NFKB2: variants seen among roughly 807,000 people sequenced by gnomAD.
NFKB2 encodes nuclear factor NF-kappa-B p100 subunit.
In NFKB2, 21 loss-of-function variants were observed where a neutral mutation model predicts 109.3. That is an observed-to-expected ratio of 0.19 (90% CI 0.14 to 0.28). The LOEUF (loss-of-function observed/expected upper bound fraction) is 0.28, where lower values mean the gene tolerates loss of function less well. Ranked by LOEUF, NFKB2 falls within the 10% of genes least tolerant of loss-of-function variation. The pLI is 1.00. For synonymous variants in NFKB2, 478 were observed against 489.9 expected, an observed-to-expected ratio of 0.98 and a Z score of 0.32; for missense variants, 806 against 1,185.3, an observed-to-expected ratio of 0.68 and a Z score of 4.70.
chr10:102,402,358 C>G lies in NFKB2; in HGVS notation c.2685C>G (p.Pro895=). The change falls in exon 23 of 23, where the codon CCC becomes CCG. Residue 895 remains proline (P), a synonymous_variant. Coordinates refer to ENST00000661543, the MANE Select transcript of NFKB2 (RefSeq NM_001322934.2). ...EPPGGLCHGH[P]QPQVH is the part of the protein sequence containing the mutation. ...CAGGAGGGCTCTGCCACGGGCACCC[C>G]CAGCCTCAGGTGCACTGACCTGCTG... is the stretch of plus-strand genomic sequence containing the variant. 6.4e-7 allele frequency: 1 copy of G among 1,556,198 alleles called. No homozygotes were observed. The highest frequency in any genetic ancestry group is 8.7e-7 in the Non-Finnish European group (1 of 1,152,364).
chr10:102,396,582 AAGG>A lies in NFKB2; in HGVS notation c.144+97_144+99del. ...GCTGGCCATGGAGGAGCCATTGCCG[AAGG>A]AGGCCACAGGGGATTGGATGGTCAC... On this transcript the variant is annotated intron_variant, in intron 4 of 22. Coordinates refer to ENST00000661543, the MANE Select transcript of NFKB2 (RefSeq NM_001322934.2). This position sits in a 1 kb window ranked among gnomAD's most constrained non-coding sequence, Gnocchi z 5.9. 2.5e-6 allele frequency: 4 copies of A among 1,595,404 alleles called. No individual in the cohort carries two copies. The highest frequency in any genetic ancestry group is 2.6e-6 in the Non-Finnish European group (3 of 1,165,318).
Position 102,398,848 on chromosome 10 carries a change from C to T in NFKB2, c.1101C>T (p.Tyr367=), listed in dbSNP as rs771607267. 54 of 1,597,410 alleles carry T rather than the reference C, an allele frequency of 3.4e-5. No homozygotes were observed. The highest frequency in any genetic ancestry group is 3.8e-5 in the Non-Finnish European group (45 of 1,172,496). ...GCTCTGGGGGTGCAGCCGGGGGCTACGGAGGAGCTGGAGGAGGTGAGGGGG... is the reference window on the plus strand; with the variant it reads ...GCTCTGGGGGTGCAGCCGGGGGCTATGGAGGAGCTGGAGGAGGTGAGGGGG... ...GGGSGGAAGG[Y]GGAGGGGSLG... The change falls in exon 12 of 23, where the codon TAC becomes TAT. Residue 367 remains tyrosine, a synonymous_variant. Transcript: ENST00000661543. This position sits in a 1 kb window ranked among gnomAD's most constrained non-coding sequence, Gnocchi z 6.6.
rs574309302 is a variant in NFKB2 at position 102,400,951 on chromosome 10, G to A, written c.1973G>A (p.Arg658Gln). 36 of 1,612,740 alleles carry A rather than the reference G, an allele frequency of 2.2e-5. No individual in the cohort carries two copies. The highest frequency in any genetic ancestry group is 1.6e-4 in the Middle Eastern group (1 of 6,062). ...GLVTHLVTKLRANVNARTFAG... is the reference protein window; with the variant it reads ...GLVTHLVTKLQANVNARTFAG... ...TCTCGCTGCTCGCACCCCCAGCTCC[G>A]GGCCAACGTGAACGCTCGCACCTTT... Residue 658 changes from arginine (R) to glutamine (Q), a missense_variant, in exon 18 of 23, where the codon CGG becomes CAG. Physicochemically the swap from Arg to Gln is conservative, Grantham distance 43 (BLOSUM62 1). Transcript: ENST00000661543. The surrounding 1 kb of genome is among the most constrained non-coding windows in gnomAD (Gnocchi z 6.3).
In NFKB2 at chr10:102,399,466, C is replaced by T. The variant is rs192635220; in HGVS notation, c.1296C>T (p.Cys432=). 2.5e-4 allele frequency: 376 copies of T among 1,501,706 alleles called. 3 individuals carry two copies. In the East Asian group the frequency reaches 6.9e-3, roughly 28 times the overall value. The allele number at this position is 1,501,706 out of a possible 1,614,324, so 93.0% of individuals were successfully genotyped here. ...EPSAPSRTPQ[C]EPQAPEMLQR... is the part of the protein sequence containing the mutation. ...GCGCCCCCTCCAGGACCCCCCAGTG[C>T]GAGCCGCAGGCCCCGGAGATGCTGC... Residue 432 remains cysteine (C), a synonymous_variant, in exon 13 of 23, where the codon TGC becomes TGT. Transcript: ENST00000661543.
chr10:102,396,772 A>G lies in NFKB2; in HGVS notation c.192A>G (p.Gly64=). 6.2e-7 allele frequency: 1 copy of G among 1,613,434 alleles called. No homozygotes were observed. ...GCTGTGAAGGCCCCTCCCATGGAGG[A>G]CTGCCCGGTGCCTCCAGTGAGAAGG... The part of the protein sequence containing the change: ...RYGCEGPSHG[G]LPGASSEKGR... Residue 64 remains glycine (G), a synonymous_variant, in exon 5 of 23, where the codon GGA becomes GGG. Coordinates refer to ENST00000661543, the MANE Select transcript of NFKB2 (RefSeq NM_001322934.2). This position sits in a 1 kb window ranked among gnomAD's most constrained non-coding sequence, Gnocchi z 5.9.
chr10:102,395,714 G>T lies in NFKB2; in HGVS notation c.-155G>T, dbSNP rs1374831731. ...TTTCCTAAGCTGCTCTAACTTTCCT[G>T]CCCCTTCCCCGGCCAAGCCCAACTC... On this transcript the variant is annotated 5_prime_UTR_variant, in exon 1 of 23. Coordinates refer to ENST00000661543, the MANE Select transcript of NFKB2 (RefSeq NM_001322934.2). 2 of 591,246 alleles carry T rather than the reference G, an allele frequency of 3.4e-6. No homozygotes were observed. Among genetic ancestry groups the T allele is most frequent in the South Asian group, 2.0e-5 (1 of 49,832 alleles). The allele number at this position is 591,246 out of a possible 1,614,324, so 36.6% of individuals were successfully genotyped here. A position where few individuals can be genotyped will look rare whatever the true frequency, so the allele number is the denominator to read the frequency against.
rs773329863 is a variant in NFKB2 at position 102,399,384 on chromosome 10, C to A, written c.1214C>A (p.Ala405Glu). The part of the protein sequence containing the change: ...MGCYPGGGGG[A>E]QMAATVPSRD... ...TGCTACCCGGGAGGCGGGGGCGGGG[C>A]GCAGATGGCCGCCACGGTGCCCAGC... is the stretch of plus-strand genomic sequence containing the variant. The change falls in exon 13 of 23, where the codon GCG (alanine) becomes GAG (glutamate). Residue 405 changes from alanine to glutamate, a missense_variant. Around this residue, in one of 10 missense-constraint regions of NFKB2, gnomAD observed 209 missense variants for 211.9 expected, o/e 0.99. Transcript: ENST00000661543. The A allele has an allele frequency of 1.3e-6, 2 of 1,541,760 alleles. No homozygotes were observed. The highest frequency in any genetic ancestry group is 1.7e-6 in the Non-Finnish European group (2 of 1,143,208).
Position 102,398,928 on chromosome 10 carries a change from G to A in NFKB2, c.1117+64G>A. The A allele has an allele frequency of 6.5e-7, 1 of 1,535,616 alleles. No homozygotes were observed. On this transcript the variant is annotated intron_variant, in intron 12 of 22. Transcript: ENST00000661543. This position sits in a 1 kb window ranked among gnomAD's most constrained non-coding sequence, Gnocchi z 6.6. ...GAAGCTGTGGAGGAAAAAAATCTGG[G>A]GGAGGCCGGGCGTGGTGGCTCACGC...
At position 102,398,821 on chromosome 10, in the gene NFKB2, A is replaced by C; in HGVS notation, c.1074A>C (p.Gly358=). The C allele has an allele frequency of 6.2e-7, 1 of 1,608,956 alleles. No homozygotes were observed. Among genetic ancestry groups the C allele is most frequent in the South Asian group, 1.1e-5 (1 of 90,458 alleles). ...TCGGGGGTGGCTCCCACATGGGTGG[A>C]GGCTCTGGGGGTGCAGCCGGGGGCT... ...QPFGGGSHMG[G]GSGGAAGGYG... The change falls in exon 12 of 23, where the codon GGA becomes GGC. Residue 358 remains glycine, a synonymous_variant. Coordinates refer to ENST00000661543, the MANE Select transcript of NFKB2 (RefSeq NM_001322934.2). The surrounding 1 kb of genome is among the most constrained non-coding windows in gnomAD (Gnocchi z 6.6).
At position 102,401,199 on chromosome 10, in the gene NFKB2, A is replaced by G. The variant is rs983417648; in HGVS notation, c.2091A>G (p.Glu697=). ...LLKAGADIHA[E]NEEPLCPLPS... is the part of the protein sequence containing the mutation. ...TCCCAGGTGCTGACATCCATGCTGA[A>G]AACGAGGAGCCCCTGTGCCCACTGC... Residue 697 remains glutamate (E), a synonymous_variant, in exon 19 of 23, where the codon GAA becomes GAG. Coordinates refer to ENST00000661543, the MANE Select transcript of NFKB2 (RefSeq NM_001322934.2). The surrounding 1 kb of genome is among the most constrained non-coding windows in gnomAD (Gnocchi z 4.2). The G allele has an allele frequency of 6.9e-6, 11 of 1,594,954 alleles. No homozygotes were observed. Among genetic ancestry groups the G allele is most frequent in the Non-Finnish European group, 9.4e-6 (11 of 1,168,638 alleles).
At chr10:102,394,751 C>G (rs141363437), upstream of NFKB2, 1 of 152,744 alleles carries the variant, frequency 6.5e-6, no homozygotes, top group East Asian at 1.9e-4. Flanking sequence ...ACGTCGACAC[C>G]GTTGTACAAA....
Position 102,396,070 on chromosome 10 carries a change from G to C in NFKB2, c.21+90G>C, listed in dbSNP as rs778675076. The C allele has an allele frequency of 5.1e-6, 8 of 1,557,046 alleles. No homozygotes were observed. Among genetic ancestry groups the C allele is most frequent in the Non-Finnish European group, 7.1e-6 (8 of 1,133,532 alleles). ...GAGCCCCCTCTGCTGCCTTACACCT[G>C]TATGCTCGCAGATGCTCTCAGCCTG... On this transcript the variant is annotated intron_variant, in intron 2 of 22. Transcript: ENST00000661543. This position sits in a 1 kb window ranked among gnomAD's most constrained non-coding sequence, Gnocchi z 5.9.
rs781089501 is a variant in NFKB2, at chr10:102,402,368, G to C, written c.2695G>C (p.Val899Leu). The change falls in exon 23 of 23, where the codon GTG becomes CTG. Residue 899 changes from valine to leucine, a missense_variant. By Grantham distance (32) the Val-to-Leu change is conservative. Coordinates refer to ENST00000661543, the MANE Select transcript of NFKB2 (RefSeq NM_001322934.2). ...CTGCCACGGGCACCCCCAGCCTCAG[G>C]TGCACTGACCTGCTGCCTGCCCCCA... The part of the protein sequence containing the change: ...GLCHGHPQPQ[V>L]H 6.5e-7 allele frequency: 1 copy of C among 1,548,026 alleles called. No individual in the cohort carries two copies.
At position 102,398,827 on chromosome 10, in the gene NFKB2, T is replaced by C; in HGVS notation, c.1080T>C (p.Ser360=). 1.2e-6 allele frequency: 2 copies of C among 1,607,080 alleles called. No individual in the cohort carries two copies. Among genetic ancestry groups the C allele is most frequent in the Non-Finnish European group, 1.7e-6 (2 of 1,176,800 alleles). ...GTGGCTCCCACATGGGTGGAGGCTC[T>C]GGGGGTGCAGCCGGGGGCTACGGAG... ...FGGGSHMGGG[S]GGAAGGYGGA... is the part of the protein sequence containing the mutation. Residue 360 remains serine (S), a synonymous_variant, in exon 12 of 23, where the codon TCT becomes TCC. Coordinates refer to ENST00000661543, the MANE Select transcript of NFKB2 (RefSeq NM_001322934.2). The surrounding 1 kb of genome is among the most constrained non-coding windows in gnomAD (Gnocchi z 6.6).
Position 102,399,704 on chromosome 10 carries a change from C to T in NFKB2, c.1455C>T (p.Asp485=), listed in dbSNP as rs2061191760. The part of the protein sequence containing the change: ...AGQRHLLTAQ[D]ENGDTPLHLA... Reference sequence around the variant, plus strand: ...AGCGCCACCTGCTGACGGCGCAGGACGAGAACGGAGACACGTAGGCAACAG... The same window carrying T: ...AGCGCCACCTGCTGACGGCGCAGGATGAGAACGGAGACACGTAGGCAACAG... Residue 485 remains aspartate (D), a synonymous_variant, in exon 14 of 23, where the codon GAC becomes GAT. Coordinates refer to ENST00000661543, the MANE Select transcript of NFKB2 (RefSeq NM_001322934.2). 2.0e-6 allele frequency: 3 copies of T among 1,494,178 alleles called. No homozygotes were observed. The African/African-American group carries it at 4.2e-5, about 21-fold the overall frequency. 92.6% of individuals were successfully genotyped at this position (1,494,178 alleles called of 1,614,324 possible).
In NFKB2 at chr10:102,402,452, C is replaced by T. The variant is rs2061285532; in HGVS notation, c.*76C>T. 1.3e-6 allele frequency: 1 copy of T among 796,876 alleles called. No homozygotes were observed. The highest frequency in any genetic ancestry group is 2.0e-6 in the Non-Finnish European group (1 of 502,158). The allele number at this position is 796,876 out of a possible 1,614,324, so 49.4% of individuals were successfully genotyped here. On this transcript the variant is annotated 3_prime_UTR_variant, in exon 23 of 23. Coordinates refer to ENST00000661543, the MANE Select transcript of NFKB2 (RefSeq NM_001322934.2). ...ACCTATTTCAAATCTTATTTAACAC[C>T]CCACACCCACCCCTCAGTTGGGACA...
Position 102,399,500 on chromosome 10 carries a change from A to G in NFKB2, c.1327+3A>G. The G allele has an allele frequency of 2.0e-6, 3 of 1,500,780 alleles. No individual in the cohort carries two copies. In the African/African-American group the frequency reaches 4.3e-5, roughly 21 times the overall value. The allele number at this position is 1,500,780 out of a possible 1,614,324, so 93.0% of individuals were successfully genotyped here. A position where few individuals can be genotyped will look rare whatever the true frequency, so the allele number is the denominator to read the frequency against. Reference sequence around the variant, plus strand: ...GGCCCCGGAGATGCTGCAGCGAGGTATGGACTCCGGGGCACGGGCGGTCGG... The same window carrying G: ...GGCCCCGGAGATGCTGCAGCGAGGTGTGGACTCCGGGGCACGGGCGGTCGG... On this transcript the variant is annotated splice_donor_region_variant and intron_variant, in intron 13 of 22. Coordinates refer to ENST00000661543, the MANE Select transcript of NFKB2 (RefSeq NM_001322934.2).
In NFKB2 at chr10:102,398,469, C is replaced by T. The variant is rs1565207233; in HGVS notation, c.937C>T (p.Arg313Ter). 6.2e-7 allele frequency: 1 copy of T among 1,614,142 alleles called. No individual in the cohort carries two copies. The highest frequency in any genetic ancestry group is 8.5e-7 in the Non-Finnish European group (1 of 1,180,040). The change falls in exon 11 of 23, where the codon CGA (arginine) becomes TGA (stop). Residue 313 changes from arginine to a stop codon, truncating the protein, a stop_gained. Transcript: ENST00000661543. LOFTEE classifies it high-confidence loss of function. The surrounding 1 kb of genome is among the most constrained non-coding windows in gnomAD (Gnocchi z 6.6). Reference sequence around the variant, plus strand: ...AGTGTTTCTGCAACTGAAACGCAAGCGAGGAGGGGACGTGTCTGATTCCAA... The same window carrying T: ...AGTGTTTCTGCAACTGAAACGCAAGTGAGGAGGGGACGTGTCTGATTCCAA... ...VTVFLQLKRK[R>*]GGDVSDSKQF...
chr10:102,398,938 G>A lies in NFKB2; in HGVS notation c.1117+74G>A. The A allele has an allele frequency of 6.7e-7, 1 of 1,496,308 alleles. No individual in the cohort carries two copies. 92.7% of individuals were successfully genotyped at this position (1,496,308 alleles called of 1,614,324 possible). ...AGGAAAAAAATCTGGGGGAGGCCGGGCGTGGTGGCTCACGCCTGTAATCCA... is the reference window on the plus strand; with the variant it reads ...AGGAAAAAAATCTGGGGGAGGCCGGACGTGGTGGCTCACGCCTGTAATCCA... On this transcript the variant is annotated intron_variant, in intron 12 of 22. Coordinates refer to ENST00000661543, the MANE Select transcript of NFKB2 (RefSeq NM_001322934.2). This position sits in a 1 kb window ranked among gnomAD's most constrained non-coding sequence, Gnocchi z 6.6.
Sources: gnomAD v4.1 joint callset for allele counts on GRCh38, gnomAD v4.1.1 for gene constraint, gnomAD v4.1.1 regional missense constraint, Gnocchi (gnomAD v3.1) non-coding constraint, MANE v1.5 for transcripts, NCBI Gene and HGNC (gene_info 2026-07-23, HGNC 2026-07-21) for gene names.